FANCA: variants seen among roughly 807,000 people sequenced by gnomAD.
FANCA encodes Fanconi anemia group A protein.
FANCA carries 236 observed loss-of-function variants against 194.3 expected under a neutral mutation model. The observed-to-expected ratio is 1.21, with a 90% CI of 1.09 to 1.35. The LOEUF is 1.35. FANCA is among the 40% of genes most tolerant of loss of function. FANCA has a pLI of 0.00. For missense variants in FANCA, 2,628 were observed against 1,813.9 expected, an observed-to-expected ratio of 1.45 and a Z score of -8.15; for synonymous variants, 1,014 against 715.8, an observed-to-expected ratio of 1.42 and a Z score of -6.65.
chr16:89,739,078 G>C lies in FANCA; in HGVS notation c.4167+55C>G, dbSNP rs553955430. The stretch of plus-strand genomic sequence containing the variant: ...TGTGCCGGAACATTCTTTGGCAGAA[G>C]GAGCCTCCGGCTGGGGGGAGCTCCC... On this transcript the variant is annotated intron_variant, in intron 41 of 42. Coordinates refer to ENST00000389301, the MANE Select transcript of FANCA (RefSeq NM_000135.4). 22 of 1,613,932 alleles carry C rather than the reference G, an allele frequency of 1.4e-5. No individual in the cohort carries two copies. In the South Asian group the frequency reaches 2.2e-4, roughly 16 times the overall value.
intron 6 of FANCA, among the ~76,000 whole-genome samples, chr16:89,807,883 T>C (rs946884448): frequency 1.3e-5 from 2 of 148,816 alleles, no homozygotes; most frequent in African/African-American, 5.0e-5. Context: ...ACTCTGTCCC[T>C]AAAAAAAATA....
intron 29 of FANCA, among the ~76,000 whole-genome samples, chr16:89,760,779 T>G (rs1598095098): frequency 6.6e-6 from 1 of 152,156 alleles, no homozygotes; most frequent in Non-Finnish European, 1.5e-5. Flanking sequence ...CACCACCTGC[T>G]CCACACCAGC....
At chr16:89,780,894 T>C (rs2039677207) in intron 17 of FANCA, among the ~76,000 whole-genome samples, 2 of 148,164 alleles carry the variant, frequency 1.3e-5, no homozygotes, top group South Asian at 4.2e-4. Flanking sequence ...CACGGTACTA[T>C]ACTTCAGCCT....
chr16:89,809,863 A>G (rs1373297291), intron 5 of FANCA, among the ~76,000 whole-genome samples: 1 of 151,788 alleles, frequency 6.6e-6, no homozygotes, highest in East Asian at 1.9e-4. Flanking sequence ...CAAAAAAAAA[A>G]AAAGATACAA....
In FANCA at chr16:89,739,528, G is replaced by C; in HGVS notation, c.3960C>G (p.Leu1320=). The C allele has an allele frequency of 6.4e-7, 1 of 1,551,280 alleles. No individual in the cohort carries two copies. The highest frequency in any genetic ancestry group is 8.7e-7 in the Non-Finnish European group (1 of 1,146,954). The change falls in exon 40 of 43, where the codon CTC becomes CTG. Residue 1320 remains leucine, a synonymous_variant. Coordinates refer to ENST00000389301, the MANE Select transcript of FANCA (RefSeq NM_000135.4). The part of the protein sequence containing the change: ...ESDLRLGRLL[L]RVAPDQHTRL... ...TGGTGTGCTGATCCGGGGCCACACG[G>C]AGGAGGAGCCGCCCCAGCCTGAGGT... is the stretch of plus-strand genomic sequence containing the variant.
At position 89,771,615 on chromosome 16, in the gene FANCA, A is replaced by C; in HGVS notation, c.2151+63T>G. 2.5e-6 allele frequency: 4 copies of C among 1,582,482 alleles called. No individual in the cohort carries two copies. In the South Asian group the frequency reaches 3.3e-5, roughly 13 times the overall value. On this transcript the variant is annotated intron_variant, in intron 23 of 42. Transcript: ENST00000389301. ...AATTGAGAGAAGGCTCCATGCGTCT[A>C]ATGCCTCTGCCTAATGGAAAATGGT...
rs752476582 is a variant in FANCA, at chr16:89,769,964, C to T, written c.2377G>A (p.Glu793Lys). The T allele has an allele frequency of 8.7e-6, 14 of 1,613,882 alleles. No individual in the cohort carries two copies. In the South Asian group the frequency reaches 1.5e-4, roughly 18 times the overall value. Residue 793 changes from glutamate to lysine, a missense_variant, in exon 26 of 43, where the codon GAG becomes AAG. By Grantham distance (56) the Glu-to-Lys change is moderately conservative. Transcript: ENST00000389301. ...ACCTCTGGGAGCGCAGACCTGGACT[C>T]ACCCAGGTGCACGGCCAGGGCAGCC... The part of the protein sequence containing the change: ...GLAALAVHLG[E>K]SRSALPEVDV...
chr16:89,769,557 G>C (rs2039248804), intron 26 of FANCA, among the ~76,000 whole-genome samples: 1 of 152,152 alleles, frequency 6.6e-6, no homozygotes, highest in African/African-American at 2.4e-5. Flanking sequence ...GCTCTCACCA[G>C]GACATCAAAG....
intron 36 of FANCA, 48 bp from the exon 37 acceptor site, chr16:89,742,986 C>G (rs377521403): frequency 6.3e-7 from 1 of 1,594,532 alleles, no homozygotes; most frequent in Non-Finnish European, 8.6e-7. Flanking sequence ...AACCATACAA[C>G]CACGCCATAG....
In FANCA at chr16:89,773,273, T is replaced by A. The variant is rs2039386404; in HGVS notation, c.2012A>T (p.Asp671Val). 1.3e-6 allele frequency: 2 copies of A among 1,550,008 alleles called. No homozygotes were observed. The highest frequency in any genetic ancestry group is 1.7e-4 in the Middle Eastern group (1 of 5,914). The change falls in exon 22 of 43, where the codon GAT (aspartate) becomes GTT (valine). Residue 671 changes from aspartate to valine, a missense_variant and splice_region_variant. Transcript: ENST00000389301. ...RASMTDPSQR[D>V]VISAQVAVIS... ...CATGAGCTCCCATCCATCCTCACCA[T>A]CACGCTGGCTGGGGTCTGTCATGGA...
intron 8 of FANCA, among the ~76,000 whole-genome samples, chr16:89,800,431 C>T (rs1260185626): frequency 6.6e-6 from 1 of 152,192 alleles, no homozygotes; most frequent in African/African-American, 2.4e-5. Context: ...AAAATGGGAG[C>T]CACTGGCTCA....
chr16:89,781,590 G>T (rs912193551), intron 17 of FANCA, among the ~76,000 whole-genome samples: 2 of 151,366 alleles, frequency 1.3e-5, no homozygotes, highest in African/African-American at 4.9e-5. Flanking sequence ...GCAGGAGAAT[G>T]GTGTGAACCC....
chr16:89,764,923 G>A lies in FANCA; in HGVS notation c.2745C>T (p.Thr915=), dbSNP rs781543214. 1 of 1,614,208 alleles carries A rather than the reference G, an allele frequency of 6.2e-7. No homozygotes were observed. The highest frequency in any genetic ancestry group is 2.2e-5 in the East Asian group (1 of 44,884). The change falls in exon 28 of 43, where the codon ACC becomes ACT. Residue 915 remains threonine (T), a synonymous_variant. Transcript: ENST00000389301. ...CTTCCTCTTTCAACACCTCTCGGAA[G>A]GTTCTGTGTGTCCAGAGAGAGAGGG... is the stretch of plus-strand genomic sequence containing the variant. The part of the protein sequence containing the change: ...RAALSLWTHR[T]FREVLKEEDV...
Position 89,742,832 on chromosome 16 carries a change from G to T in FANCA, c.3733C>A (p.Gln1245Lys), listed in dbSNP as rs745665658. Residue 1245 changes from glutamine to lysine, a missense_variant, in exon 37 of 43, where the codon CAG becomes AAG. Coordinates refer to ENST00000389301, the MANE Select transcript of FANCA (RefSeq NM_000135.4). ...QQVREENIRK[Q>K]LKKLDCEREE... is the part of the protein sequence containing the mutation. Reference sequence around the variant, plus strand: ...CTCTCGCAGTCCAGCTTCTTTAGCTGCTTCCTGATGTTTTCTTCCCTGACT... The same window carrying T: ...CTCTCGCAGTCCAGCTTCTTTAGCTTCTTCCTGATGTTTTCTTCCCTGACT... The T allele has an allele frequency of 2.4e-5, 39 of 1,614,034 alleles. 1 individual carries two copies. The Admixed American group carries it at 3.2e-4, about 13-fold the overall frequency.
Position 89,816,598 on chromosome 16 carries a change from G to T in FANCA, c.18C>A (p.Val6=), listed in dbSNP as rs916719756. ...GGTCCTGGCCCGAGGCGGAGTTCGG[G>T]ACCCACGAGTCGGACATGGCCTTGG... The part of the protein sequence containing the change: MSDSW[V]PNSASGQDPG... Residue 6 remains valine, a synonymous_variant, in exon 1 of 43, where the codon GTC becomes GTA. Transcript: ENST00000389301. The T allele has an allele frequency of 1.3e-6, 2 of 1,526,908 alleles. No homozygotes were observed. Among genetic ancestry groups the T allele is most frequent in the Non-Finnish European group, 8.7e-7 (1 of 1,145,152 alleles). The allele number at this position is 1,526,908 out of a possible 1,614,324, so 94.6% of individuals were successfully genotyped here.
chr16:89,747,932 G>C (rs542668868), intron 33 of FANCA, among the ~76,000 whole-genome samples: 1 of 152,210 alleles, frequency 6.6e-6, no homozygotes, highest in Admixed American at 6.5e-5. Flanking sequence ...TTTTATTTGA[G>C]ACAAGAGTTT....
rs545999415 is a variant in FANCA at position 89,749,892 on chromosome 16, G to A, written c.3077C>T (p.Ala1026Val). The change falls in exon 32 of 43, where the codon GCT (alanine) becomes GTT (valine). Residue 1026 changes from alanine (A) to valine (V), a missense_variant. Ala to Val is a moderately conservative substitution (Grantham distance 64, BLOSUM62 0). Coordinates refer to ENST00000389301, the MANE Select transcript of FANCA (RefSeq NM_000135.4). Reference protein sequence around the residue: ...DIISRLQEMVADLELQQDLIV... With the variant: ...DIISRLQEMVVDLELQQDLIV... ...GAGGTCTTGCTGCAGCTCCAGGTCA[G>A]CTACCATCTCCTGAAAAAGAGCAGT... 1 of 1,614,078 alleles carries A rather than the reference G, an allele frequency of 6.2e-7. No individual in the cohort carries two copies. Among genetic ancestry groups the A allele is most frequent in the East Asian group, 2.2e-5 (1 of 44,886 alleles).
intron 36 of FANCA, among the ~76,000 whole-genome samples, chr16:89,744,505 T>A (rs2062200589): frequency 6.6e-6 from 1 of 151,688 alleles, no homozygotes; most frequent in African/African-American, 2.4e-5. Flanking sequence ...ATCCCTGAGG[T>A]CCCCATGACA....
chr16:89,787,517 C>G (rs1385258966), intron 14 of FANCA, among the ~76,000 whole-genome samples: 1 of 151,894 alleles, frequency 6.6e-6, no homozygotes, highest in Non-Finnish European at 1.5e-5. Context: ...CGAACTCCAT[C>G]TTAAAAAAAC....
Sources: gnomAD v4.1 joint callset for allele counts (sites outside exome capture counted in the v4.1 genomes callset) on GRCh38, gnomAD v4.1.1 for gene constraint, MANE v1.5 for transcripts, NCBI Gene and HGNC (gene_info 2026-07-23, HGNC 2026-07-21) for gene names.